PPP1R12A: variants seen among roughly 807,000 people sequenced by gnomAD.
The protein encoded by PPP1R12A is myosin binding subunit.
In PPP1R12A, 19 loss-of-function variants were observed where a neutral mutation model predicts 139.6. That is an observed-to-expected ratio of 0.14 (90% CI 0.09 to 0.20). PPP1R12A has a LOEUF of 0.20. Ranked by LOEUF, PPP1R12A falls within the 10% of genes least tolerant of loss-of-function variation. The pLI is 1.00. For missense variants in PPP1R12A, 925 were observed against 1,211.5 expected, an observed-to-expected ratio of 0.76 and a Z score of 3.51; for synonymous variants, 427 against 420.6, an observed-to-expected ratio of 1.02 and a Z score of -0.19.
At position 79,934,848 on chromosome 12, in the gene PPP1R12A, C is replaced by A; in HGVS notation, c.84G>T (p.Val28=). The A allele has an allele frequency of 6.2e-7, 1 of 1,611,866 alleles. No homozygotes were observed. Among genetic ancestry groups the A allele is most frequent in the Non-Finnish European group, 8.5e-7 (1 of 1,179,106 alleles). ...TCACCTTGGTCTTCTGGCGCTTCAC[C>A]ACCGGAGGCTCGAGGTCCGTCTCGG... ...IGSETDLEPP[V]VKRQKTKVKF... The change falls in exon 1 of 25, where the codon GTG becomes GTT. Residue 28 remains valine, a synonymous_variant. Coordinates refer to ENST00000450142, the MANE Select transcript of PPP1R12A (RefSeq NM_002480.3).
At chr12:79,825,928 C>T (rs1876704184) in intron 5 of PPP1R12A, among the ~76,000 whole-genome samples, 1 of 151,616 alleles carries the variant, frequency 6.6e-6, no homozygotes. Context: ...TAAAATAGAA[C>T]TTCTCAAATG....
chr12:79,876,632 C>T (rs1883128159), intron 1 of PPP1R12A, among the ~76,000 whole-genome samples: 1 of 152,170 alleles, frequency 6.6e-6, no homozygotes, highest in South Asian at 2.1e-4. Context: ...CTAAGTATTA[C>T]TTGTATACAT....
chr12:79,839,905 A>T (rs1235138875), intron 3 of PPP1R12A, among the ~76,000 whole-genome samples: 1 of 152,194 alleles, frequency 6.6e-6, no homozygotes, highest in Non-Finnish European at 1.5e-5. Flanking sequence ...AACTAGAGAT[A>T]TATTTAGGGT....
chr12:79,806,223 C>A lies in PPP1R12A; in HGVS notation c.1766G>T (p.Ser589Ile), dbSNP rs755480715. 6.2e-7 allele frequency: 1 copy of A among 1,613,958 alleles called. No individual in the cohort carries two copies. ...AAGLQKSLLS[S>I]TSTTTKITTG... Reference sequence around the variant, plus strand: ...TGTAATCTTTGTAGTAGTGCTTGTGCTGGAAAGCAGGCTTTTCTGAAGCCC... The same window carrying A: ...TGTAATCTTTGTAGTAGTGCTTGTGATGGAAAGCAGGCTTTTCTGAAGCCC... The change falls in exon 13 of 25, where the codon AGC (serine) becomes ATC (isoleucine). Residue 589 changes from serine (S) to isoleucine (I), a missense_variant. Physicochemically the swap from Ser to Ile is moderately radical, Grantham distance 142. Around this residue, in one of 4 missense-constraint regions of PPP1R12A, gnomAD observed 403 missense variants for 463.7 expected, o/e 0.87. Transcript: ENST00000450142.
chr12:79,866,877 T>C (rs1020023672), intron 2 of PPP1R12A, among the ~76,000 whole-genome samples: 1 of 152,174 alleles, frequency 6.6e-6, no homozygotes, highest in African/African-American at 2.4e-5. Flanking sequence ...GGTGGGAGTG[T>C]AAATTAGTTC....
At chr12:79,887,106 C>T (rs935330455) in intron 1 of PPP1R12A, among the ~76,000 whole-genome samples, 1 of 152,126 alleles carries the variant, frequency 6.6e-6, no homozygotes, top group Non-Finnish European at 1.5e-5. Context: ...CAAAGACCAA[C>T]ACTAGAGGGC....
intron 1 of PPP1R12A, among the ~76,000 whole-genome samples, chr12:79,882,460 G>A (rs553314153): frequency 9.2e-5 from 14 of 152,294 alleles, no homozygotes; most frequent in Non-Finnish European, 1.6e-4. Flanking sequence ...CTGAGGATGT[G>A]ACTGAATTGC....
chr12:79,854,986 T>TATC (rs1880463053), intron 2 of PPP1R12A, among the ~76,000 whole-genome samples: 1 of 151,806 alleles, frequency 6.6e-6, no homozygotes, highest in African/African-American at 2.4e-5. Context: ...TAACAATTAT[T>TATC]ATTATTATTA....
intron 2 of PPP1R12A, among the ~76,000 whole-genome samples, chr12:79,852,042 C>T (rs140738568): frequency 1.3e-5 from 2 of 152,158 alleles, no homozygotes; most frequent in East Asian, 3.9e-4. Flanking sequence ...TTCATAATTG[C>T]TTGTTGAAGC....
intron 9 of PPP1R12A, among the ~76,000 whole-genome samples, chr12:79,817,186 TCAA>T (rs1875511268): frequency 6.6e-6 from 1 of 152,112 alleles, no homozygotes; most frequent in African/African-American, 2.4e-5. Context: ...AACTGTAATA[TCAA>T]CAGTAATATC....
intron 18 of PPP1R12A, 115 bp from the exon 19 acceptor site, chr12:79,794,043 G>A: frequency 1.4e-6 from 1 of 710,746 alleles, no homozygotes; most frequent in Non-Finnish European, 2.2e-6. Flanking sequence ...TGAGACATTT[G>A]TAGATAGAAT....
intron 22 of PPP1R12A, among the ~76,000 whole-genome samples, chr12:79,783,295 C>CAAAA (rs5799441): frequency 0.017 from 1,958 of 116,972 alleles, 44 homozygotes; most frequent in African/African-American, 0.057. Flanking sequence ...CCGTCTCTAC[C>CAAAA]AAAAAAAAAA....
intron 1 of PPP1R12A, among the ~76,000 whole-genome samples, chr12:79,923,567 A>G (rs952322085): frequency 7.9e-5 from 12 of 152,216 alleles, no homozygotes; most frequent in African/African-American, 2.9e-4. Context: ...GAGATATTTA[A>G]AAGGATGTTA....
At chr12:79,829,489 G>C (rs973712532) in intron 4 of PPP1R12A, among the ~76,000 whole-genome samples, 1 of 152,020 alleles carries the variant, frequency 6.6e-6, no homozygotes. Context: ...TTTAAAAATA[G>C]ATTGCCCAGC....
At chr12:79,825,752 A>G (rs1876680559) in intron 5 of PPP1R12A, among the ~76,000 whole-genome samples, 1 of 151,960 alleles carries the variant, frequency 6.6e-6, no homozygotes, top group African/African-American at 2.4e-5. Flanking sequence ...GTACTAAGGA[A>G]GGTATCCAAT....
At chr12:79,869,998 G>C (rs1470690911) in intron 2 of PPP1R12A, among the ~76,000 whole-genome samples, 9 of 151,038 alleles carry the variant, frequency 6.0e-5, no homozygotes, top group Non-Finnish European at 1.3e-4. Context: ...CTATCAATTA[G>C]GCCACCAGAC....
intron 1 of PPP1R12A, among the ~76,000 whole-genome samples, chr12:79,890,905 C>CCCCACACA (rs1555235834): frequency 8.6e-6 from 1 of 115,682 alleles, no homozygotes; most frequent in Non-Finnish European, 1.7e-5. Flanking sequence ...CCACACCCAC[C>CCCCACACA]CACACACACA....
intron 1 of PPP1R12A, among the ~76,000 whole-genome samples, chr12:79,897,452 C>A (rs1473834667): frequency 1.3e-5 from 2 of 151,968 alleles, no homozygotes; most frequent in African/African-American, 4.8e-5. Flanking sequence ...TTGCTCAGTA[C>A]CTGGGTAATA....
At chr12:79,803,276 C>A (rs1873421891) in intron 14 of PPP1R12A, among the ~76,000 whole-genome samples, 1 of 152,134 alleles carries the variant, frequency 6.6e-6, no homozygotes, top group Non-Finnish European at 1.5e-5. Flanking sequence ...GAGGAGACCT[C>A]TAAGAATACG....
Sources: allele counts gnomAD v4.1 joint callset (sites outside exome capture counted in the v4.1 genomes callset), GRCh38; gene constraint gnomAD v4.1.1; regional missense constraint gnomAD v4.1.1; transcripts MANE v1.5; gene names NCBI Gene and HGNC (gene_info 2026-07-23, HGNC 2026-07-21).